Variants in TET1 observed in about 807,000 individuals in gnomAD.
The protein encoded by TET1 is methylcytosine dioxygenase TET1.
In TET1, 13 loss-of-function variants were observed where a neutral mutation model predicts 148.7. That is an observed-to-expected ratio of 0.09 (90% CI 0.06 to 0.14). The LOEUF (loss-of-function observed/expected upper bound fraction) is 0.14. Ranked by LOEUF, TET1 falls within the 10% of genes least tolerant of loss-of-function variation. TET1 has a pLI of 1.00. For missense variants in TET1, 2,182 were observed against 2,553.8 expected (o/e 0.85, Z 3.14); for synonymous variants, 907 against 937.2 (o/e 0.97, Z 0.59).
At chr10:68,590,937 C>T (rs1206019008) in intron 2 of TET1, among the ~76,000 whole-genome samples, 1 of 151,808 alleles carries the variant, frequency 6.6e-6, no homozygotes, top group Non-Finnish European at 1.5e-5. Context: ...CTCATTGCAA[C>T]CTCCACCTCC....
At chr10:68,577,680 C>T (rs1269233892) in intron 2 of TET1, among the ~76,000 whole-genome samples, 1 of 152,020 alleles carries the variant, frequency 6.6e-6, no homozygotes, top group Non-Finnish European at 1.5e-5. Flanking sequence ...TGGTGGTGCC[C>T]ACCTGTTAAT....
intron 3 of TET1, among the ~76,000 whole-genome samples, chr10:68,637,541 A>G (rs2054672430): frequency 1.5e-5 from 1 of 67,906 alleles, no homozygotes; most frequent in South Asian, 4.3e-4. Context: ...TTTTTTTTTA[A>G]GAGACAGAGC....
At position 68,646,177 on chromosome 10, in the gene TET1, A is replaced by G. The variant is rs1303331451; in HGVS notation, c.3448A>G (p.Thr1150Ala). Residue 1150 changes from threonine to alanine, a missense_variant, in exon 4 of 12, where the codon ACA (threonine) becomes GCA (alanine). By Grantham distance (58) the Thr-to-Ala change is moderately conservative. This residue lies in a region of TET1 where 582 missense variants were observed against 599.5 expected (regional missense o/e 0.97). Coordinates refer to ENST00000373644, the MANE Select transcript of TET1 (RefSeq NM_030625.3). ...ACAAAAGAACCCAACCCAGAAAAAG[A>G]CAAAATCCACCCCATCAAGAGATCG... ...TKQKNPTQKK[T>A]KSTPSRDRRK... 5 of 1,613,414 alleles carry G rather than the reference A, an allele frequency of 3.1e-6. No individual in the cohort carries two copies. In the East Asian group the frequency reaches 1.1e-4, roughly 36 times the overall value.
At chr10:68,586,570 A>G (rs2053864777) in intron 2 of TET1, among the ~76,000 whole-genome samples, 1 of 149,590 alleles carries the variant, frequency 6.7e-6, no homozygotes, top group South Asian at 2.1e-4. Context: ...CCCGGCCTCA[A>G]GTGATCTTTC....
At chr10:68,594,069 G>A (rs2053951261) in intron 2 of TET1, among the ~76,000 whole-genome samples, 1 of 151,640 alleles carries the variant, frequency 6.6e-6, no homozygotes, top group African/African-American at 2.4e-5. Context: ...GGGACTACAG[G>A]CATGCGCCAC....
chr10:68,573,514 C>A lies in TET1; in HGVS notation c.1176C>A (p.Thr392=). 3 of 1,614,108 alleles carry A rather than the reference C, an allele frequency of 1.9e-6. No individual in the cohort carries two copies. The South Asian group carries it at 3.3e-5, about 18-fold the overall frequency. Residue 392 remains threonine, a synonymous_variant, in exon 2 of 12, where the codon ACC becomes ACA. Transcript: ENST00000373644. ...DPVHGEALGE[T]PDLPEIPGAI... ...TTCATGGTGAGGCCCTGGGTGAGAC[C>A]CCAGATCTACCAGAGATTCCTGGTG...
intron 4 of TET1, among the ~76,000 whole-genome samples, chr10:68,649,830 G>A (rs1004965138): frequency 2.0e-5 from 3 of 152,150 alleles, no homozygotes; most frequent in African/African-American, 4.8e-5. Flanking sequence ...GGCATTCAAA[G>A]TTGAATAAAT....
chr10:68,680,341 T>C (rs2055419042), intron 8 of TET1, among the ~76,000 whole-genome samples: 1 of 152,188 alleles, frequency 6.6e-6, no homozygotes, highest in South Asian at 2.1e-4. Context: ...ATGTTCTCTA[T>C]ACGTGTTTTT....
intron 3 of TET1, among the ~76,000 whole-genome samples, chr10:68,642,363 G>A (rs1242047574): frequency 6.6e-6 from 1 of 152,116 alleles, no homozygotes; most frequent in African/African-American, 2.4e-5. Flanking sequence ...GAACCTGGGA[G>A]TTCGAGGCTA....
intron 1 of TET1, among the ~76,000 whole-genome samples, chr10:68,564,235 A>G (rs1032931826): frequency 6.7e-6 from 1 of 149,646 alleles, no homozygotes; most frequent in Non-Finnish European, 1.5e-5. Context: ...TGCAACCTTC[A>G]TCTCCTGGGT....
intron 5 of TET1, among the ~76,000 whole-genome samples, chr10:68,652,215 A>C (rs1181009884): frequency 6.6e-6 from 1 of 152,168 alleles, no homozygotes; most frequent in Admixed American, 6.5e-5. Context: ...GAAATAGGTC[A>C]AATTACCACC....
chr10:68,665,022 T>C (rs1259351562), intron 6 of TET1, among the ~76,000 whole-genome samples: 1 of 152,094 alleles, frequency 6.6e-6, no homozygotes, highest in Non-Finnish European at 1.5e-5. Flanking sequence ...TCCTCTCACC[T>C]CTACGTTCCG....
Position 68,691,487 on chromosome 10 carries a change from C to T in TET1, c.6084C>T (p.His2028=), listed in dbSNP as rs149262901. The T allele has an allele frequency of 4.0e-4, 647 of 1,614,048 alleles. 2 individuals carry two copies. The highest frequency in any genetic ancestry group is 3.8e-4 in the Non-Finnish European group (454 of 1,180,018). The change falls in exon 12 of 12, where the codon CAC becomes CAT. Residue 2028 remains histidine (H), a synonymous_variant. Coordinates refer to ENST00000373644, the MANE Select transcript of TET1 (RefSeq NM_030625.3). The surrounding 1 kb of genome is among the most constrained non-coding windows in gnomAD (Gnocchi z 4.4). ...VLIECARREL[H]ATTPVEHPNR... ...TTGAGTGTGCCCGGCGAGAGCTGCA[C>T]GCTACCACTCCTGTTGAGCACCCCA... is the stretch of plus-strand genomic sequence containing the variant.
chr10:68,617,316 G>A (rs1029676258), intron 3 of TET1, among the ~76,000 whole-genome samples: 2 of 151,746 alleles, frequency 1.3e-5, no homozygotes, highest in African/African-American at 4.8e-5. Context: ...TAGCCACCGC[G>A]CCTGGCCAAT....
intron 2 of TET1, among the ~76,000 whole-genome samples, chr10:68,596,152 C>A (rs1490973572): frequency 6.7e-6 from 1 of 150,110 alleles, no homozygotes; most frequent in Non-Finnish European, 1.5e-5. Flanking sequence ...GATTCTCCTG[C>A]CTCAGGCTCC....
intron 2 of TET1, among the ~76,000 whole-genome samples, chr10:68,574,853 CAA>C (rs1325791689): frequency 6.6e-6 from 1 of 152,158 alleles, no homozygotes; most frequent in Non-Finnish European, 1.5e-5. Context: ...TTGTAAACTC[CAA>C]AGTGATACAC....
chr10:68,644,521 T>G (rs1021177726), intron 3 of TET1, among the ~76,000 whole-genome samples, 177 bp from the exon 4 acceptor site: 2 of 152,208 alleles, frequency 1.3e-5, no homozygotes, highest in Admixed American at 1.3e-4. Flanking sequence ...GTCTTTTCTT[T>G]TTGTATATTA....
chr10:68,651,990 C>T (rs1226939061), intron 5 of TET1, 54 bp downstream of exon 5: 20 of 1,469,822 alleles, frequency 1.4e-5, no homozygotes, highest in East Asian at 4.5e-5. Flanking sequence ...TCTGACTCAA[C>T]GGAGATAAAT....
At chr10:68,651,306 T>C (rs1279652794) in intron 4 of TET1, among the ~76,000 whole-genome samples, 1 of 151,886 alleles carries the variant, frequency 6.6e-6, no homozygotes, top group Non-Finnish European at 1.5e-5. Context: ...AAAAAAAAAT[T>C]AGCCGGGCGT....
Sources: allele counts gnomAD v4.1 joint callset (sites outside exome capture counted in the v4.1 genomes callset), GRCh38; gene constraint gnomAD v4.1.1; regional missense constraint gnomAD v4.1.1; non-coding constraint Gnocchi (gnomAD v3.1); transcripts MANE v1.5; gene names NCBI Gene and HGNC (gene_info 2026-07-23, HGNC 2026-07-21).